The following FAM162B variants were observed in gnomAD, a reference collection of about 807,000 sequenced individuals.
FAM162B encodes the protein family with sequence similarity 162 member B.
A neutral mutation model predicts 20.0 loss-of-function variants in FAM162B; 16 were observed. The observed-to-expected ratio is 0.80, with a 90% CI of 0.54 to 1.21. The LOEUF (loss-of-function observed/expected upper bound fraction) is 1.21, where lower values mean the gene tolerates loss of function less well. Ranked by LOEUF, FAM162B falls within the 50% of genes most tolerant of loss-of-function variation. The pLI, the probability that FAM162B is intolerant of heterozygous loss-of-function variation, is 0.00. For missense variants in FAM162B, 260 were observed against 227.5 expected (o/e 1.14, Z -0.92); for synonymous variants, 83 against 89.7 (o/e 0.93, Z 0.42).
At chr6:116,755,901 C>T (rs1780045800) in intron 3 of FAM162B, among the ~76,000 whole-genome samples, 1 of 152,078 alleles carries the variant, frequency 6.6e-6, no homozygotes, top group Non-Finnish European at 1.5e-5. Flanking sequence ...TTGAGACTTA[C>T]TTCTCAGAAA....
Position 116,765,272 on chromosome 6 carries a change from C to A in FAM162B, c.173-17G>T, listed in dbSNP as rs375179398. ...GAATCTCCCCTGCAGCGAAAGCAAC[C>A]CAGATGGACGCGGGAACTGACGCAC... On this transcript the variant is annotated splice_polypyrimidine_tract_variant and intron_variant, in intron 1 of 3. Transcript: ENST00000368557. 6.2e-6 allele frequency: 10 copies of A among 1,611,610 alleles called. No individual in the cohort carries two copies. The highest frequency in any genetic ancestry group is 1.1e-5 in the South Asian group (1 of 91,034).
intron 3 of FAM162B, among the ~76,000 whole-genome samples, chr6:116,754,150 A>C (rs1274292443): frequency 2.0e-5 from 3 of 152,148 alleles, no homozygotes; most frequent in Non-Finnish European, 4.4e-5. Context: ...TGAAGAATGG[A>C]GAGACTGGCT....
At chr6:116,764,327 T>C (rs1291775662) in intron 2 of FAM162B, among the ~76,000 whole-genome samples, 1 of 152,180 alleles carries the variant, frequency 6.6e-6, no homozygotes, top group Non-Finnish European at 1.5e-5. Context: ...ACTTAAAAAG[T>C]AGTAGATTGA....
chr6:116,754,701 T>C (rs907971530), intron 3 of FAM162B, among the ~76,000 whole-genome samples: 1 of 152,124 alleles, frequency 6.6e-6, no homozygotes, highest in African/African-American at 2.4e-5. Flanking sequence ...CTTCTTCTTT[T>C]TTTGTTTTTT....
chr6:116,752,604 G>C lies in FAM162B; in HGVS notation c.482C>G (p.Ala161Gly), dbSNP rs1780003264. 6.3e-7 allele frequency: 1 copy of C among 1,587,036 alleles called. No individual in the cohort carries two copies. Among genetic ancestry groups the C allele is most frequent in the East Asian group, 2.3e-5 (1 of 44,094 alleles). ...ACTTTGTCACTTAGAATATCATTTAGCTTTAGCCTGTGCAGCCAATGCAGC... is the reference window on the plus strand; with the variant it reads ...ACTTTGTCACTTAGAATATCATTTACCTTTAGCCTGTGCAGCCAATGCAGC... ...EEAALAAQAKAK is the reference protein window; with the variant it reads ...EEAALAAQAKGK Residue 161 changes from alanine (A) to glycine (G), a missense_variant, in exon 4 of 4, where the codon GCT becomes GGT. By Grantham distance (60) the Ala-to-Gly change is moderately conservative. Transcript: ENST00000368557.
chr6:116,753,139 C>T (rs1780011495), intron 3 of FAM162B, among the ~76,000 whole-genome samples: 1 of 152,076 alleles, frequency 6.6e-6, no homozygotes, highest in Admixed American at 6.6e-5. Context: ...GGCAGCATCA[C>T]CCACCTACTT....
At chr6:116,762,117 TA>T in intron 2 of FAM162B, 32 bp from the exon 3 acceptor site, 1 of 1,486,882 alleles carries the variant, frequency 6.7e-7, no homozygotes, top group Non-Finnish European at 9.1e-7. Context: ...GTTAAATATG[TA>T]AAAGTAATAT....
intron 3 of FAM162B, among the ~76,000 whole-genome samples, chr6:116,757,090 A>G (rs1478492742): frequency 6.6e-6 from 1 of 152,228 alleles, no homozygotes; most frequent in Admixed American, 6.5e-5. Context: ...ATTCAAAACT[A>G]CTATATCTTC....
chr6:116,754,568 C>A (rs903603076), intron 3 of FAM162B, among the ~76,000 whole-genome samples: 1 of 152,060 alleles, frequency 6.6e-6, no homozygotes, highest in Non-Finnish European at 1.5e-5. Context: ...AATAGAGAAT[C>A]CTCCTCTATG....
In FAM162B at chr6:116,752,700, G is replaced by A; in HGVS notation, c.391-5C>T. ...GGATTCATGTCGTTCTACAGCCTGT[G>A]GGGGGGAAGAAATATATATATATAT... On this transcript the variant is annotated splice_region_variant and splice_polypyrimidine_tract_variant and intron_variant, in intron 3 of 3. Transcript: ENST00000368557. 8 of 1,388,384 alleles carry A rather than the reference G, an allele frequency of 5.8e-6. No homozygotes were observed. The highest frequency in any genetic ancestry group is 7.7e-6 in the Non-Finnish European group (8 of 1,036,164). The allele number at this position is 1,388,384 out of a possible 1,614,324, so 86.0% of individuals were successfully genotyped here. A position where few individuals can be genotyped will look rare whatever the true frequency, so the allele number is the denominator to read the frequency against.
chr6:116,765,058 T>TC, intron 2 of FAM162B, 89 bp downstream of exon 2: 1 of 1,294,182 alleles, frequency 7.7e-7, no homozygotes, highest in Non-Finnish European at 1.1e-6. Context: ...CCGCTTTCGC[T>TC]CCTAGGTGGC....
chr6:116,757,621 C>T (rs12209580), intron 3 of FAM162B, among the ~76,000 whole-genome samples: 52,281 of 151,560 alleles, frequency 0.34, 9,629 homozygotes, highest in African/African-American at 0.48. Flanking sequence ...TGGTCATTGA[C>T]ACCTGTGGTC....
Position 116,765,210 on chromosome 6 carries a change from T to C in FAM162B, c.218A>G (p.Asp73Gly). The change falls in exon 2 of 4, where the codon GAC becomes GGC. Residue 73 changes from aspartate (D) to glycine (G), a missense_variant. Asp to Gly is a moderately conservative substitution (Grantham distance 94). Transcript: ENST00000368557. ...CCCTGTCCACAGCAGGATTTTCTTG[T>C]CGAACTGCGAAGGCCTGCGCTGCGT... ...VPTQRRPSQF[D>G]KKILLWTGRF... is the part of the protein sequence containing the mutation. 6.2e-7 allele frequency: 1 copy of C among 1,613,912 alleles called. No individual in the cohort carries two copies. Among genetic ancestry groups the C allele is most frequent in the Non-Finnish European group, 8.5e-7 (1 of 1,179,958 alleles).
intron 3 of FAM162B, 53 bp from the exon 4 acceptor site, chr6:116,752,748 A>C: frequency 1.7e-5 from 8 of 458,168 alleles, no homozygotes; most frequent in Non-Finnish European, 2.5e-5. Flanking sequence ...ACACGTATAT[A>C]TATATATATA....
chr6:116,765,455 G>T lies in FAM162B; in HGVS notation c.122C>A (p.Pro41His). Residue 41 changes from proline (P) to histidine (H), a missense_variant, in exon 1 of 4, where the codon CCC (proline) becomes CAC (histidine). Physicochemically the swap from Pro to His is moderately conservative, Grantham distance 77 (BLOSUM62 -2). Transcript: ENST00000368557. ...GGGGGCCCCGCCGCTGGAGTAGCAG[G>T]GGAGACCCCGGGGCGGAAGAGCCGG... ...PAPALPPRGLPCYSSGGAPSN... is the reference protein window; with the variant it reads ...PAPALPPRGLHCYSSGGAPSN... 2 of 1,438,410 alleles carry T rather than the reference G, an allele frequency of 1.4e-6. No individual in the cohort carries two copies. The highest frequency in any genetic ancestry group is 5.2e-5 in the East Asian group (2 of 38,660). 89.1% of individuals were successfully genotyped at this position (1,438,410 alleles called of 1,614,324 possible). A position where few individuals can be genotyped will look rare whatever the true frequency, so the allele number is the denominator to read the frequency against.
rs1027049473 is a variant in FAM162B at position 116,765,397 on chromosome 6, T to G, written c.172+8A>C. ...TCCCAGGACCTCCCCGTCGGAGCCC[T>G]GGCTCACCGTGACCTTGGGGCCCAG... On this transcript the variant is annotated splice_region_variant and intron_variant, in intron 1 of 3. Coordinates refer to ENST00000368557, the MANE Select transcript of FAM162B (RefSeq NM_001085480.3). 5 of 1,470,980 alleles carry G rather than the reference T, an allele frequency of 3.4e-6. No homozygotes were observed. In the African/African-American group the frequency reaches 4.3e-5, roughly 13 times the overall value. The allele number at this position is 1,470,980 out of a possible 1,614,324, so 91.1% of individuals were successfully genotyped here.
rs184466763 is a variant in FAM162B at position 116,762,161 on chromosome 6, A to G, written c.282-76T>C. On this transcript the variant is annotated intron_variant, in intron 2 of 3. Transcript: ENST00000368557. The stretch of plus-strand genomic sequence containing the variant: ...TGACAGGCATGATAGATAATTTGCC[A>G]TGTAAACATTCCAAAAAATTCCCTG... 112 of 1,275,280 alleles carry G rather than the reference A, an allele frequency of 8.8e-5. 1 individual carries two copies. The East Asian group carries it at 1.6e-3, about 19-fold the overall frequency. 79.0% of individuals were successfully genotyped at this position (1,275,280 alleles called of 1,614,324 possible).
intron 3 of FAM162B, among the ~76,000 whole-genome samples, chr6:116,755,800 A>C (rs889225322): frequency 2.2e-4 from 34 of 152,208 alleles, no homozygotes; most frequent in African/African-American, 8.2e-4. Flanking sequence ...AATTATGGTA[A>C]ATCTACTCTG....
chr6:116,753,861 T>C (rs1487782866), intron 3 of FAM162B, among the ~76,000 whole-genome samples: 2 of 152,140 alleles, frequency 1.3e-5, no homozygotes, highest in African/African-American at 2.4e-5. Context: ...TAGGAGAAAC[T>C]GGCAGAGTAA....
Sources: allele counts gnomAD v4.1 joint callset (sites outside exome capture counted in the v4.1 genomes callset), GRCh38; gene constraint gnomAD v4.1.1; transcripts MANE v1.5; gene names NCBI Gene and HGNC (gene_info 2026-07-23, HGNC 2026-07-21).